The following DNM1L variants were observed in gnomAD, a reference collection of about 807,000 sequenced individuals.
DNM1L encodes dynamin 1L.
Under a neutral mutation model 92.8 loss-of-function variants are expected in DNM1L, and 33 were observed. That is an observed-to-expected ratio of 0.36 (90% confidence interval 0.27 to 0.48). The LOEUF is 0.48. DNM1L is among the 20% of genes least tolerant of loss of function. The probability of loss-of-function intolerance (pLI) is 0.99; values close to 1 mark genes in which losing one functional copy is unlikely to be tolerated. For synonymous variants in DNM1L, 284 were observed against 305.0 expected, an observed-to-expected ratio of 0.93 and a Z score of 0.72; for missense variants, 485 against 888.8, an observed-to-expected ratio of 0.55 and a Z score of 5.78.
rs553093927 is a variant in DNM1L, at chr12:32,729,227, G to A, written c.1080-1787G>A. The stretch of plus-strand genomic sequence containing the variant: ...CTCCCGAGTAGCTGGGATTACAGGC[G>A]CGCACTACTATGCCCGGCTAATTTT... On this transcript the variant is annotated intron_variant, in intron 9 of 19. Coordinates refer to ENST00000549701, the MANE Select transcript of DNM1L (RefSeq NM_012062.5). Among the ~76,000 whole-genome samples, 383 of 152,046 alleles carry A rather than the reference G, an allele frequency of 2.5e-3. 2 individuals carry two copies. Among genetic ancestry groups the A allele is most frequent in the African/African-American group, 8.6e-3 (357 of 41,470 alleles).
At chr12:32,708,514 A>G (rs1036964674) in intron 4 of DNM1L, among the ~76,000 whole-genome samples, 2 of 152,178 alleles carry the variant, frequency 1.3e-5, no homozygotes, top group Non-Finnish European at 2.9e-5. Flanking sequence ...CCACATTATT[A>G]TATAATTCTA....
chr12:32,702,486 A>G (rs2137308780), intron 2 of DNM1L, among the ~76,000 whole-genome samples: 1 of 152,290 alleles, frequency 6.6e-6, no homozygotes, highest in Middle Eastern at 3.4e-3. Context: ...TCTGTAACAT[A>G]GCTCTAATTA....
At chr12:32,718,297 G>A (rs10844312) in intron 6 of DNM1L, among the ~76,000 whole-genome samples, 24,480 of 150,948 alleles carry the variant, frequency 0.16, 2,062 homozygotes, top group East Asian at 0.25. Flanking sequence ...GTCTGCCACT[G>A]TGCCTGGCTA....
chr12:32,692,143 G>A (rs1026421354), intron 1 of DNM1L, among the ~76,000 whole-genome samples: 2 of 151,836 alleles, frequency 1.3e-5, no homozygotes, highest in Non-Finnish European at 2.9e-5. Flanking sequence ...TTTTTGGGTG[G>A]TGATATATAT....
chr12:32,729,391 T>C (rs991839974), intron 9 of DNM1L, among the ~76,000 whole-genome samples: 14 of 152,090 alleles, frequency 9.2e-5, no homozygotes, highest in African/African-American at 1.7e-4. Context: ...GAAATTCTTA[T>C]CTATTAAGCA....
rs1252123667 is a variant in DNM1L, at chr12:32,718,674, T to C, written c.651T>C (p.Leu217=). Residue 217 remains leucine, a synonymous_variant, in exon 7 of 20, where the codon CTT becomes CTC. Coordinates refer to ENST00000549701, the MANE Select transcript of DNM1L (RefSeq NM_012062.5). ...GRRTLAVITK[L]DLMDAGTDAM... is the part of the protein sequence containing the mutation. ...GAACCCTAGCTGTAATCACTAAACT[T>C]GATCTCATGGATGCGGGTACTGATG... 1.2e-6 allele frequency: 2 copies of C among 1,613,988 alleles called. No homozygotes were observed. Among genetic ancestry groups the C allele is most frequent in the South Asian group, 2.2e-5 (2 of 91,076 alleles).
Position 32,745,030 on chromosome 12 carries a change from T to C in DNM1L, c.*1620T>C. 2 of 513,640 alleles carry C rather than the reference T, an allele frequency of 3.9e-6. No individual in the cohort carries two copies. The highest frequency in any genetic ancestry group is 2.8e-5 in the South Asian group (2 of 70,182). 31.8% of individuals were successfully genotyped at this position (513,640 alleles called of 1,614,324 possible). A position where few individuals can be genotyped will look rare whatever the true frequency, so the allele number is the denominator to read the frequency against. On this transcript the variant is annotated 3_prime_UTR_variant, in exon 20 of 20. Coordinates refer to ENST00000549701, the MANE Select transcript of DNM1L (RefSeq NM_012062.5). The stretch of plus-strand genomic sequence containing the variant: ...AATATGTTAACTTTAGCTTATGGCA[T>C]CAATTTACTAAGGAACAACAGGCTC...
chr12:32,702,032 G>A (rs1355781230), intron 2 of DNM1L, among the ~76,000 whole-genome samples: 2 of 149,250 alleles, frequency 1.3e-5, no homozygotes, highest in Admixed American at 6.7e-5. Context: ...TCAGAAGTTC[G>A]AGACCAGCCT....
intron 6 of DNM1L, among the ~76,000 whole-genome samples, chr12:32,715,032 G>C (rs1439897449): frequency 2.0e-5 from 3 of 151,196 alleles, no homozygotes; most frequent in Non-Finnish European, 2.9e-5. Flanking sequence ...CATTTTATAT[G>C]TATAAACTCT....
In DNM1L at chr12:32,701,330, ATGC is replaced by A. The variant is rs1439353751; in HGVS notation, c.103-82_103-80del. The A allele has an allele frequency of 1.2e-5, 14 of 1,189,104 alleles. No individual in the cohort carries two copies. In the East Asian group the frequency reaches 3.5e-4, roughly 30 times the overall value. The allele number at this position is 1,189,104 out of a possible 1,614,324, so 73.7% of individuals were successfully genotyped here. A position where few individuals can be genotyped will look rare whatever the true frequency, so the allele number is the denominator to read the frequency against. On this transcript the variant is annotated intron_variant, in intron 1 of 19. Coordinates refer to ENST00000549701, the MANE Select transcript of DNM1L (RefSeq NM_012062.5). ...AATTTTTCCTTTAAAATAATTCTGT[ATGC>A]TGGTTTGTTAATATAGTTTATTGAA...
chr12:32,681,957 G>A (rs1024157475), intron 1 of DNM1L, among the ~76,000 whole-genome samples: 1 of 151,772 alleles, frequency 6.6e-6, no homozygotes, highest in Non-Finnish European at 1.5e-5. Context: ...TTCTGCGATG[G>A]CACTCCAGCC....
intron 1 of DNM1L, among the ~76,000 whole-genome samples, chr12:32,689,153 A>G (rs1952135306): frequency 6.6e-6 from 1 of 152,314 alleles, no homozygotes; most frequent in East Asian, 1.9e-4. Context: ...GTCATTAGGT[A>G]GAGGGTTTGA....
At chr12:32,716,838 A>G (rs1953403893) in intron 6 of DNM1L, among the ~76,000 whole-genome samples, 1 of 147,190 alleles carries the variant, frequency 6.8e-6, no homozygotes, top group Non-Finnish European at 1.5e-5. Flanking sequence ...TTTGAAAATT[A>G]TGAATAAAGC....
chr12:32,732,734 A>C (rs2137532879), intron 12 of DNM1L: 1 of 378,486 alleles, frequency 2.6e-6, no homozygotes, highest in East Asian at 7.2e-5. Flanking sequence ...CCAGTTCTGG[A>C]CTGATAAGTG....
chr12:32,686,133 C>G (rs1952005254), intron 1 of DNM1L, among the ~76,000 whole-genome samples: 1 of 147,052 alleles, frequency 6.8e-6, no homozygotes, highest in African/African-American at 2.6e-5. Context: ...TCACAGCAAC[C>G]TCCACCTCCC....
intron 9 of DNM1L, among the ~76,000 whole-genome samples, chr12:32,729,521 T>C (rs1399164470): frequency 6.6e-6 from 1 of 152,102 alleles, no homozygotes; most frequent in South Asian, 2.1e-4. Context: ...AGTGGCACAG[T>C]TTGGGCCAGT....
chr12:32,734,739 G>T (rs967465303), intron 13 of DNM1L, among the ~76,000 whole-genome samples: 12 of 152,196 alleles, frequency 7.9e-5, no homozygotes, highest in African/African-American at 2.9e-4. Flanking sequence ...AACCCAGGAG[G>T]TGGAGGTTGC....
intron 9 of DNM1L, among the ~76,000 whole-genome samples, chr12:32,730,317 G>T (rs1374225313): frequency 3.3e-5 from 5 of 152,154 alleles, no homozygotes; most frequent in African/African-American, 1.2e-4. Context: ...TAAGCCAAGA[G>T]CGCACCACTG....
rs372881006 is a variant in DNM1L at position 32,720,998 on chromosome 12, T to C, written c.872+203T>C. 9.8e-5 allele frequency among the ~76,000 whole-genome samples: 15 copies of C among 152,332 alleles called. 3 individuals are homozygous for C. Among genetic ancestry groups the C allele is most frequent in the Admixed American group, 1.3e-4 (2 of 15,300 alleles). ...ACATCATCACGTAGTCTAGAATGAA[T>C]GTACAAGTGATTTTAAAATGTTTTA... On this transcript the variant is annotated intron_variant, in intron 8 of 19. Coordinates refer to ENST00000549701, the MANE Select transcript of DNM1L (RefSeq NM_012062.5).
Sources: gnomAD v4.1 joint callset for allele counts (sites outside exome capture counted in the v4.1 genomes callset) on GRCh38, gnomAD v4.1.1 for gene constraint, MANE v1.5 for transcripts, NCBI Gene and HGNC (gene_info 2026-07-23, HGNC 2026-07-21) for gene names.